The following EPHB2 variants were observed in gnomAD, a reference collection of about 807,000 sequenced individuals.
The protein encoded by EPHB2 is EPH receptor B2, also known as ephrin type-B receptor 2.
Under a neutral mutation model 96.4 loss-of-function variants are expected in EPHB2, and 18 were observed. The observed-to-expected ratio is 0.19, with a 90% CI of 0.13 to 0.28. The LOEUF (loss-of-function observed/expected upper bound fraction) is 0.28. EPHB2 is among the 10% of genes least tolerant of loss of function. EPHB2 has a pLI of 1.00. For missense variants in EPHB2, 989 were observed against 1,355.4 expected (o/e 0.73, Z 4.25); for synonymous variants, 506 against 534.1 (o/e 0.95, Z 0.72).
In EPHB2 at chr1:22,920,848, A is replaced by G. The variant is rs1640378064; in HGVS notation, c.*7278A>G. On this transcript the variant is annotated 3_prime_UTR_variant, in exon 16 of 16. Coordinates refer to ENST00000374630, the MANE Select transcript of EPHB2 (RefSeq NM_017449.5). The stretch of plus-strand genomic sequence containing the variant: ...CCAGGCACCGTGCCCAACTTTTTAT[A>G]CACAATGTCTTGCCTAATCCTCACA... The G allele has an allele frequency of 6.6e-6, 1 of 152,218 alleles. No homozygotes were observed. Among genetic ancestry groups the G allele is most frequent in the South Asian group, 2.1e-4 (1 of 4,836 alleles). 9.4% of individuals were successfully genotyped at this position (152,218 alleles called of 1,614,324 possible). A position where few individuals can be genotyped will look rare whatever the true frequency, so the allele number is the denominator to read the frequency against.
intron 1 of EPHB2, among the ~76,000 whole-genome samples, chr1:22,716,433 G>A (rs554336517): frequency 7.2e-5 from 11 of 152,154 alleles, no homozygotes; most frequent in African/African-American, 2.7e-4. Context: ...CCGGGTTCAA[G>A]CCATCTTCCC....
At position 22,846,346 on chromosome 1, in the gene EPHB2, G is replaced by T. The variant is rs915288540; in HGVS notation, c.812-16691G>T. On this transcript the variant is annotated intron_variant, in intron 3 of 15. Coordinates refer to ENST00000374630, the MANE Select transcript of EPHB2 (RefSeq NM_017449.5). The surrounding 1 kb of genome is among the most constrained non-coding windows in gnomAD (Gnocchi z 4.3). ...CAGGAGAATCACTTGAACCCGGGAG[G>T]TGGAGGTTGCAGTGAGCCGAGATTG... 6.6e-6 allele frequency among the ~76,000 whole-genome samples: 1 copy of T among 151,806 alleles called. No individual in the cohort carries two copies. Among genetic ancestry groups the T allele is most frequent in the Non-Finnish European group, 1.5e-5 (1 of 67,972 alleles).
At chr1:22,768,699 A>G (rs901777402) in intron 1 of EPHB2, among the ~76,000 whole-genome samples, 5 of 147,410 alleles carry the variant, frequency 3.4e-5, no homozygotes, top group Non-Finnish European at 7.7e-5. Context: ...CCATTAAAAA[A>G]AAAAAAAGAA....
chr1:22,913,944 A>T lies in EPHB2; in HGVS notation c.*374A>T. 6.8e-7 allele frequency: 1 copy of T among 1,477,218 alleles called. No homozygotes were observed. Among genetic ancestry groups the T allele is most frequent in the Admixed American group, 2.7e-5 (1 of 37,724 alleles). 91.5% of individuals were successfully genotyped at this position (1,477,218 alleles called of 1,614,324 possible). ...AGTTTCTCTCCAACTCCCTCTGGGAAGGTGACCTGGCCAGAGCCAAGAAAC... is the reference window on the plus strand; with the variant it reads ...AGTTTCTCTCCAACTCCCTCTGGGATGGTGACCTGGCCAGAGCCAAGAAAC... On this transcript the variant is annotated 3_prime_UTR_variant, in exon 16 of 16. Transcript: ENST00000374630. The surrounding 1 kb of genome is among the most constrained non-coding windows in gnomAD (Gnocchi z 4.1).
chr1:22,751,811 G>C (rs1644067881), intron 1 of EPHB2, among the ~76,000 whole-genome samples: 1 of 152,226 alleles, frequency 6.6e-6, no homozygotes, highest in African/African-American at 2.4e-5. Flanking sequence ...TTGCCTCGCT[G>C]CAGGGCTGCC....
chr1:22,711,593 C>T (rs996112516), intron 1 of EPHB2, among the ~76,000 whole-genome samples: 4 of 151,912 alleles, frequency 2.6e-5, no homozygotes, highest in African/African-American at 9.7e-5. Flanking sequence ...CGCGCCAGCC[C>T]CCGCGTCGGT....
intron 1 of EPHB2, among the ~76,000 whole-genome samples, chr1:22,731,090 C>T (rs1271532702): frequency 1.3e-5 from 2 of 152,190 alleles, no homozygotes; most frequent in African/African-American, 4.8e-5. Context: ...GGCCTGCCCC[C>T]ACTCACCCCA....
At chr1:22,734,768 C>T (rs937518610) in intron 1 of EPHB2, among the ~76,000 whole-genome samples, 1 of 152,098 alleles carries the variant, frequency 6.6e-6, no homozygotes, top group Non-Finnish European at 1.5e-5. Flanking sequence ...CTTTGGGGTC[C>T]TGAAGATCCT....
chr1:22,866,849 G>A (rs1638495637), intron 5 of EPHB2, among the ~76,000 whole-genome samples: 2 of 152,130 alleles, frequency 1.3e-5, no homozygotes, highest in South Asian at 2.1e-4. Context: ...CAGAAGAATC[G>A]CTTGAACCCG....
intron 1 of EPHB2, among the ~76,000 whole-genome samples, chr1:22,762,825 G>T (rs1462897627): frequency 1.8e-4 from 28 of 152,172 alleles, no homozygotes; most frequent in Admixed American, 1.8e-3. Context: ...ACCGTAGCAG[G>T]CCTGGGTGAA....
rs780219613 is a variant in EPHB2, at chr1:22,860,078, C to A, written c.812-2959C>A. On this transcript the variant is annotated intron_variant, in intron 3 of 15. Coordinates refer to ENST00000374630, the MANE Select transcript of EPHB2 (RefSeq NM_017449.5). This position sits in a 1 kb window ranked among gnomAD's most constrained non-coding sequence, Gnocchi z 4.6. ...ACGATGTGTCCAGGGTTCACCTGTA[C>A]CGTAGCATGTGTCAATGCTTCGTTC... is the stretch of plus-strand genomic sequence containing the variant. 7.9e-5 allele frequency among the ~76,000 whole-genome samples: 12 copies of A among 152,268 alleles called. No homozygotes were observed. Among genetic ancestry groups the A allele is most frequent in the Admixed American group, 2.0e-4 (3 of 15,290 alleles).
At chr1:22,806,481 G>A (rs1433012978) in intron 3 of EPHB2, among the ~76,000 whole-genome samples, 1 of 74,062 alleles carries the variant, frequency 1.4e-5, no homozygotes, top group African/African-American at 4.1e-5. Flanking sequence ...ATGGATGGAC[G>A]GACGGACGGA....
intron 3 of EPHB2, among the ~76,000 whole-genome samples, chr1:22,794,629 C>A (rs1013472192): frequency 6.6e-6 from 1 of 152,184 alleles, no homozygotes; most frequent in Non-Finnish European, 1.5e-5. Context: ...CACTGGCCCT[C>A]AGTCACCCTA....
intron 7 of EPHB2, among the ~76,000 whole-genome samples, chr1:22,894,951 GTGT>G (rs1421368038): frequency 5.3e-5 from 8 of 152,192 alleles, no homozygotes; most frequent in African/African-American, 1.9e-4. Flanking sequence ...TAGGTGCCAG[GTGT>G]TGTTCTAAGT....
chr1:22,757,943 G>A, intron 1 of EPHB2, among the ~76,000 whole-genome samples: 1 of 129,170 alleles, frequency 7.7e-6, no homozygotes, highest in Non-Finnish European at 1.6e-5. Context: ...TTTTGAGACG[G>A]AGTCTCGCTC....
At position 22,911,510 on chromosome 1, in the gene EPHB2, G is replaced by T. The variant is rs531455018; in HGVS notation, c.2697-934G>T. On this transcript the variant is annotated intron_variant, in intron 14 of 15. Transcript: ENST00000374630. Reference sequence around the variant, plus strand: ...CAGCATCCCCATGCCTGAGAGACGGGCTCAGCCTGAGGGGTGTTCACTTGG... The same window carrying T: ...CAGCATCCCCATGCCTGAGAGACGGTCTCAGCCTGAGGGGTGTTCACTTGG... 3.9e-5 allele frequency among the ~76,000 whole-genome samples: 6 copies of T among 152,284 alleles called. No individual in the cohort carries two copies. In the East Asian group the frequency reaches 1.2e-3, roughly 29 times the overall value.
Position 22,908,035 on chromosome 1 carries a change from T to A in EPHB2, c.2219T>A (p.Met740Lys). 1 of 1,614,262 alleles carries A rather than the reference T, an allele frequency of 6.2e-7. No homozygotes were observed. The highest frequency in any genetic ancestry group is 2.2e-5 in the East Asian group (1 of 44,894). ...IAAGMKYLADMNYVHRDLAAR... is the reference protein window; with the variant it reads ...IAAGMKYLADKNYVHRDLAAR... ...GCTGGCATGAAGTACCTGGCAGACATGAACTATGTTCACCGTGACCTGGCT... is the reference window on the plus strand; with the variant it reads ...GCTGGCATGAAGTACCTGGCAGACAAGAACTATGTTCACCGTGACCTGGCT... The change falls in exon 12 of 16, where the codon ATG becomes AAG. Residue 740 changes from methionine to lysine, a missense_variant. Coordinates refer to ENST00000374630, the MANE Select transcript of EPHB2 (RefSeq NM_017449.5).
chr1:22,867,156 T>G (rs1638505716), intron 5 of EPHB2, among the ~76,000 whole-genome samples: 1 of 152,226 alleles, frequency 6.6e-6, no homozygotes, highest in Non-Finnish European at 1.5e-5. Flanking sequence ...GTCCTTGATG[T>G]GTCCACGGCA....
chr1:22,713,972 G>T (rs1367125668), intron 1 of EPHB2, among the ~76,000 whole-genome samples: 1 of 152,218 alleles, frequency 6.6e-6, no homozygotes, highest in Non-Finnish European at 1.5e-5. Context: ...CTGGGGAAAC[G>T]TCCAACAGGA....
Sources: allele counts gnomAD v4.1 joint callset (sites outside exome capture counted in the v4.1 genomes callset), GRCh38; gene constraint gnomAD v4.1.1; non-coding constraint Gnocchi (gnomAD v3.1); transcripts MANE v1.5; gene names NCBI Gene and HGNC (gene_info 2026-07-23, HGNC 2026-07-21).